GTF2E1: variants seen among roughly 807,000 people sequenced by gnomAD.
The protein encoded by GTF2E1 is TFIIE alpha subunit.
Under a neutral mutation model 34.9 loss-of-function variants are expected in GTF2E1, and 14 were observed. The observed-to-expected ratio is 0.40, with a 90% CI of 0.27 to 0.63. The LOEUF is 0.63. Among genes scored for constraint, GTF2E1 ranks in the 20% least tolerant of loss-of-function variants. The probability of loss-of-function intolerance (pLI) is 0.39; values close to 1 mark genes in which losing one functional copy is unlikely to be tolerated. For missense variants in GTF2E1, 469 were observed against 557.7 expected, an observed-to-expected ratio of 0.84 and a Z score of 1.60; for synonymous variants, 188 against 192.9, an observed-to-expected ratio of 0.97 and a Z score of 0.21.
At chr3:120,774,806 G>A (rs1709384858) in intron 3 of GTF2E1, among the ~76,000 whole-genome samples, 1 of 152,166 alleles carries the variant, frequency 6.6e-6, no homozygotes, top group Non-Finnish European at 1.5e-5. Flanking sequence ...AAGGCTGTGG[G>A]AGAAAGTGGT....
At chr3:120,764,611 C>A (rs534565817) in intron 2 of GTF2E1, among the ~76,000 whole-genome samples, 2 of 152,224 alleles carry the variant, frequency 1.3e-5, no homozygotes, top group East Asian at 3.9e-4. Context: ...ATTTTATATA[C>A]TGGACTGAAG....
Position 120,781,048 on chromosome 3 carries a change from A to G in GTF2E1, c.898A>G (p.Ile300Val), listed in dbSNP as rs1316681736. The G allele has an allele frequency of 1.9e-6, 3 of 1,605,758 alleles. No homozygotes were observed. In the Admixed American group the frequency reaches 5.0e-5, roughly 27 times the overall value. The change falls in exon 5 of 5, where the codon ATA (isoleucine) becomes GTA (valine). Residue 300 changes from isoleucine (I) to valine (V), a missense_variant. Ile to Val is a conservative substitution (Grantham distance 29). Coordinates refer to ENST00000283875, the MANE Select transcript of GTF2E1 (RefSeq NM_005513.3). Reference protein sequence around the residue: ...YGSEDMKEGGIDMDAFQEREE... With the variant: ...YGSEDMKEGGVDMDAFQEREE... ...TTCTGAGTTTTACTCCCCAGGGGGC[A>G]TAGATATGGACGCATTTCAGGAGCG... is the stretch of plus-strand genomic sequence containing the variant.
chr3:120,772,726 A>G (rs1460422262), intron 3 of GTF2E1, among the ~76,000 whole-genome samples: 6 of 151,972 alleles, frequency 3.9e-5, no homozygotes, highest in Non-Finnish European at 8.8e-5. Context: ...TTCCTCTCCT[A>G]CCTGTAGTTA....
intron 1 of GTF2E1, among the ~76,000 whole-genome samples, chr3:120,744,240 A>G (rs773500811): frequency 6.6e-6 from 1 of 152,204 alleles, no homozygotes; most frequent in Non-Finnish European, 1.5e-5. Flanking sequence ...GGGTGATACA[A>G]TGCGTGGGGG....
rs373685179 is a variant in GTF2E1, at chr3:120,749,479, G to A, written c.-30-1044G>A. On this transcript the variant is annotated intron_variant, in intron 1 of 4. Transcript: ENST00000283875. ...TTAGCATGAAGAGTTGTTGAATTTT[G>A]TCAAAGGCCTTTTCTGCATCTATTG... Among the ~76,000 whole-genome samples the A allele has an allele frequency of 4.5e-3, 679 of 152,208 alleles. 7 individuals are homozygous for A. The highest frequency in any genetic ancestry group is 0.016 in the African/African-American group (647 of 41,516).
rs1398875216 is a variant in GTF2E1 at position 120,761,185 on chromosome 3, A to C, written c.449-9543A>C. 3.9e-5 allele frequency among the ~76,000 whole-genome samples: 6 copies of C among 152,284 alleles called. No homozygotes were observed. In the East Asian group the frequency reaches 1.2e-3, roughly 29 times the overall value. The stretch of plus-strand genomic sequence containing the variant: ...GTCCAGGAATTTATCCATTTCTTCT[A>C]GATTTTTTAGCTTATTTTTGTAGCG... On this transcript the variant is annotated intron_variant, in intron 2 of 4. Transcript: ENST00000283875.
intron 3 of GTF2E1, 22 bp from the exon 4 acceptor site, chr3:120,776,401 C>T (rs906700077): frequency 1.3e-6 from 2 of 1,595,450 alleles, no homozygotes; most frequent in African/African-American, 1.4e-5. Flanking sequence ...TCTTCCTGTA[C>T]TCCTCTATTC....
intron 2 of GTF2E1, among the ~76,000 whole-genome samples, chr3:120,765,492 T>A (rs145671810): frequency 5.6e-4 from 85 of 152,318 alleles, no homozygotes; most frequent in South Asian, 1.7e-3. Flanking sequence ...AGCTAATGTA[T>A]ATACATGGGA....
At chr3:120,756,217 A>G (rs1425242815) in intron 2 of GTF2E1, among the ~76,000 whole-genome samples, 2 of 152,196 alleles carry the variant, frequency 1.3e-5, no homozygotes, top group Non-Finnish European at 2.9e-5. Flanking sequence ...ACTAATTTAC[A>G]TTCCCACCAA....
Position 120,742,749 on chromosome 3 carries a change from A to C in GTF2E1, c.-76A>C. The C allele has an allele frequency of 1.8e-6, 1 of 560,100 alleles. No homozygotes were observed. 34.7% of individuals were successfully genotyped at this position (560,100 alleles called of 1,614,324 possible). ...CGTGGTTCATTTAAGCCGGTAGTTG[A>C]AGCGCTGGGGGCAGCTGTAGTGGGA... On this transcript the variant is annotated 5_prime_UTR_variant, in exon 1 of 5. Transcript: ENST00000283875.
At chr3:120,761,448 C>T (rs1709262440) in intron 2 of GTF2E1, among the ~76,000 whole-genome samples, 1 of 152,052 alleles carries the variant, frequency 6.6e-6, no homozygotes, top group Admixed American at 6.5e-5. Flanking sequence ...TTAGTTATTT[C>T]TTGCCTTCTG....
intron 3 of GTF2E1, among the ~76,000 whole-genome samples, chr3:120,775,454 A>T (rs1709391264): frequency 6.6e-6 from 1 of 152,180 alleles, no homozygotes; most frequent in African/African-American, 2.4e-5. Context: ...GGAGGTGGAG[A>T]AGCATACGTA....
At chr3:120,766,036 C>T (rs1453497477) in intron 2 of GTF2E1, among the ~76,000 whole-genome samples, 2 of 152,150 alleles carry the variant, frequency 1.3e-5, no homozygotes, top group Non-Finnish European at 2.9e-5. Context: ...TTCTCTCATT[C>T]TTGAGTAGTA....
In GTF2E1 at chr3:120,781,965, C is replaced by T. The variant is rs536606765; in HGVS notation, c.*495C>T. 5.9e-5 allele frequency: 9 copies of T among 153,450 alleles called. No homozygotes were observed. Among genetic ancestry groups the T allele is most frequent in the East Asian group, 5.8e-4 (3 of 5,178 alleles). 9.5% of individuals were successfully genotyped at this position (153,450 alleles called of 1,614,324 possible). A position where few individuals can be genotyped will look rare whatever the true frequency, so the allele number is the denominator to read the frequency against. On this transcript the variant is annotated 3_prime_UTR_variant, in exon 5 of 5. Coordinates refer to ENST00000283875, the MANE Select transcript of GTF2E1 (RefSeq NM_005513.3). ...TCCTGACCTCATGATCCACCCGCCT[C>T]GGCCTCCCAAAGTGCTGTATTTTCT... is the stretch of plus-strand genomic sequence containing the variant.
At chr3:120,767,829 A>G (rs1275338697) in intron 2 of GTF2E1, among the ~76,000 whole-genome samples, 1 of 152,180 alleles carries the variant, frequency 6.6e-6, no homozygotes, top group Non-Finnish European at 1.5e-5. Context: ...CCTTATGACT[A>G]TATACTTTAT....
At chr3:120,746,476 G>A (rs1165465654) in intron 1 of GTF2E1, among the ~76,000 whole-genome samples, 3 of 150,596 alleles carry the variant, frequency 2.0e-5, no homozygotes, top group Non-Finnish European at 2.9e-5. Context: ...GTGACAGATC[G>A]AGACCCTGTC....
At chr3:120,752,781 C>G in intron 2 of GTF2E1, among the ~76,000 whole-genome samples, 1 of 152,096 alleles carries the variant, frequency 6.6e-6, no homozygotes, top group Non-Finnish European at 1.5e-5. Context: ...TGTGGCCAGT[C>G]TGAACAAAGA....
At chr3:120,760,972 A>G (rs960882606) in intron 2 of GTF2E1, among the ~76,000 whole-genome samples, 9 of 152,106 alleles carry the variant, frequency 5.9e-5, no homozygotes, top group South Asian at 4.2e-4. Flanking sequence ...CTCTTTTTCT[A>G]TTGATTGGAA....
chr3:120,778,797 C>A (rs897464715), intron 4 of GTF2E1, among the ~76,000 whole-genome samples: 2 of 152,136 alleles, frequency 1.3e-5, no homozygotes, highest in Admixed American at 1.3e-4. Context: ...TTTTTAGGTT[C>A]TTCTGTGCCT....
Sources: allele counts gnomAD v4.1 joint callset (sites outside exome capture counted in the v4.1 genomes callset), GRCh38; gene constraint gnomAD v4.1.1; transcripts MANE v1.5; gene names NCBI Gene and HGNC (gene_info 2026-07-23, HGNC 2026-07-21).